TRAPPC9: variants seen among roughly 807,000 people sequenced by gnomAD.
TRAPPC9 encodes IKK2 binding protein.
In TRAPPC9, 83 loss-of-function variants were observed where a neutral mutation model predicts 124.0. The observed-to-expected ratio is 0.67, with a 90% CI of 0.56 to 0.80. The LOEUF (loss-of-function observed/expected upper bound fraction) is 0.80. TRAPPC9 is among the 30% of genes least tolerant of loss of function. The pLI, the probability that TRAPPC9 is intolerant of heterozygous loss-of-function variation, is 0.00. For synonymous variants in TRAPPC9, 638 were observed against 617.5 expected (o/e 1.03, Z -0.49); for missense variants, 1,302 against 1,508.3 (o/e 0.86, Z 2.27).
chr8:140,044,903 C>G (rs1053137916), intron 17 of TRAPPC9, among the ~76,000 whole-genome samples: 1 of 152,206 alleles, frequency 6.6e-6, no homozygotes, highest in Non-Finnish European at 1.5e-5. Context: ...ATATAACTTA[C>G]ACGCAGTAAT....
chr8:139,847,724 C>CTT (rs1476011282), intron 21 of TRAPPC9, among the ~76,000 whole-genome samples: 2,019 of 150,890 alleles, frequency 0.013, 40 homozygotes, highest in African/African-American at 0.045. Context: ...GAGCACCTGC[C>CTT]CCCCTGGTGG....
rs1770858582 is a variant in TRAPPC9 at position 139,875,303 on chromosome 8, G to A, written c.3055+10576C>T. 3.3e-5 allele frequency among the ~76,000 whole-genome samples: 5 copies of A among 152,098 alleles called. No homozygotes were observed. The South Asian group carries it at 1.0e-3, about 32-fold the overall frequency. On this transcript the variant is annotated intron_variant, in intron 21 of 22. Transcript: ENST00000438773. ...GGTTTCCTTTCTCCCGTCCACATGA[G>A]GGATGTCGTAGCAACCTCCTCCAGG...
chr8:140,456,419 A>G (rs1157228088), intron 1 of TRAPPC9, among the ~76,000 whole-genome samples: 1 of 152,108 alleles, frequency 6.6e-6, no homozygotes, highest in Non-Finnish European at 1.5e-5. Flanking sequence ...CTCAAAAAAA[A>G]AAAAAAAAGA....
chr8:140,335,476 C>T (rs902355675), intron 9 of TRAPPC9, among the ~76,000 whole-genome samples: 1 of 152,108 alleles, frequency 6.6e-6, no homozygotes, highest in Admixed American at 6.5e-5. Flanking sequence ...AATGCCAACA[C>T]CCTTAACTCA....
At chr8:140,023,481 C>G (rs1490344727) in intron 18 of TRAPPC9, among the ~76,000 whole-genome samples, 5 of 152,214 alleles carry the variant, frequency 3.3e-5, no homozygotes, top group African/African-American at 1.2e-4. Context: ...TGACCTGATG[C>G]CAAGATGGCT....
At chr8:140,048,069 T>C (rs978729651) in intron 17 of TRAPPC9, among the ~76,000 whole-genome samples, 9 of 152,214 alleles carry the variant, frequency 5.9e-5, no homozygotes, top group Non-Finnish European at 1.0e-4. Flanking sequence ...GCCCCTCTGA[T>C]AGGCAGACTC....
intron 9 of TRAPPC9, among the ~76,000 whole-genome samples, chr8:140,347,013 G>A (rs987672343): frequency 6.6e-6 from 1 of 152,180 alleles, no homozygotes. Flanking sequence ...CCCAGGGCAG[G>A]ACACACACCC....
At chr8:139,976,909 G>A (rs754157847) in intron 19 of TRAPPC9, among the ~76,000 whole-genome samples, 22 of 152,140 alleles carry the variant, frequency 1.4e-4, no homozygotes, top group African/African-American at 3.4e-4. Context: ...CAGGGTCCCC[G>A]AGACAAACTG....
chr8:139,910,314 G>A lies in TRAPPC9; in HGVS notation c.2811-14C>T. 1.2e-6 allele frequency: 2 copies of A among 1,614,148 alleles called. No homozygotes were observed. The highest frequency in any genetic ancestry group is 1.7e-6 in the Non-Finnish European group (2 of 1,180,018). On this transcript the variant is annotated splice_polypyrimidine_tract_variant and intron_variant, in intron 19 of 22. Transcript: ENST00000438773. ...TGAATAGCCATTCTACGAGAAAGGG[G>A]AAAACACAGCAGAGAATTCATCAGT...
intron 17 of TRAPPC9, among the ~76,000 whole-genome samples, chr8:140,130,180 A>G (rs540960319): frequency 8.5e-4 from 130 of 152,328 alleles, no homozygotes; most frequent in African/African-American, 3.0e-3. Context: ...TCACCATTAA[A>G]CAGAATGAGA....
intron 7 of TRAPPC9, among the ~76,000 whole-genome samples, chr8:140,372,512 T>C (rs2068311736): frequency 6.6e-6 from 1 of 152,164 alleles, no homozygotes; most frequent in African/African-American, 2.4e-5. Flanking sequence ...AGACTTAGGT[T>C]CCTGAGACAT....
At chr8:140,264,211 T>A (rs1289782168) in intron 15 of TRAPPC9, among the ~76,000 whole-genome samples, 1 of 152,122 alleles carries the variant, frequency 6.6e-6, no homozygotes, top group East Asian at 1.9e-4. Flanking sequence ...ACCGAACCCC[T>A]CGGGTCCTGA....
At chr8:140,213,011 G>A (rs1202206538) in intron 17 of TRAPPC9, among the ~76,000 whole-genome samples, 1 of 151,512 alleles carries the variant, frequency 6.6e-6, no homozygotes, top group Non-Finnish European at 1.5e-5. Flanking sequence ...AGAGGTAGCA[G>A]TGAGCCAAGA....
At chr8:139,979,905 G>A (rs948070646) in intron 19 of TRAPPC9, among the ~76,000 whole-genome samples, 2 of 152,128 alleles carry the variant, frequency 1.3e-5, no homozygotes, top group African/African-American at 4.8e-5. Context: ...GCTGGGGTGT[G>A]GGGCTGAGAC....
intron 19 of TRAPPC9, among the ~76,000 whole-genome samples, chr8:139,936,066 G>A (rs536152984): frequency 6.6e-5 from 10 of 152,316 alleles, no homozygotes; most frequent in Admixed American, 2.0e-4. Flanking sequence ...ACATGCTCAC[G>A]CTGACCTCCA....
intron 21 of TRAPPC9, among the ~76,000 whole-genome samples, chr8:139,784,311 C>T (rs556534856): frequency 1.5e-4 from 23 of 152,228 alleles, no homozygotes; most frequent in African/African-American, 3.9e-4. Context: ...CAGTGGCTCA[C>T]GCCTATAATC....
At chr8:140,302,919 T>C (rs992309497) in intron 10 of TRAPPC9, 7 of 152,138 alleles carry the variant, frequency 4.6e-5, no homozygotes, top group Non-Finnish European at 8.8e-5. Flanking sequence ...TCTTATCAGC[T>C]CCAAACAGCT....
intron 21 of TRAPPC9, among the ~76,000 whole-genome samples, chr8:139,735,522 C>T (rs910768471): frequency 1.4e-4 from 21 of 152,300 alleles, no homozygotes; most frequent in African/African-American, 3.6e-4. Context: ...GAACCAGGCG[C>T]GGTCTGAGCC....
intron 17 of TRAPPC9, among the ~76,000 whole-genome samples, chr8:140,075,753 A>G (rs960185716): frequency 6.6e-6 from 1 of 152,252 alleles, no homozygotes; most frequent in African/African-American, 2.4e-5. Flanking sequence ...CTGTAGAGGC[A>G]TCCGACACAT....
Sources: gnomAD v4.1 joint callset for allele counts (sites outside exome capture counted in the v4.1 genomes callset) on GRCh38, gnomAD v4.1.1 for gene constraint, MANE v1.5 for transcripts, NCBI Gene and HGNC (gene_info 2026-07-23, HGNC 2026-07-21) for gene names.